Variants in RALYL observed in about 807,000 individuals in gnomAD.
RALYL encodes the protein RNA-binding Raly-like protein.
A neutral mutation model predicts 35.1 loss-of-function variants in RALYL; 29 were observed. The observed-to-expected ratio is 0.83, with a 90% CI of 0.61 to 1.13. The LOEUF (loss-of-function observed/expected upper bound fraction) is 1.13, where lower values mean the gene tolerates loss of function less well. Among genes scored for constraint, RALYL ranks in the 50% most tolerant of loss-of-function variants. The pLI is 0.00. For missense variants in RALYL, 359 were observed against 360.4 expected (o/e 1.00, Z 0.03); for synonymous variants, 120 against 127.6 (o/e 0.94, Z 0.40).
intron 1 of RALYL, among the ~76,000 whole-genome samples, chr8:84,471,537 G>T (rs1466633265): frequency 6.6e-6 from 1 of 152,002 alleles, no homozygotes; most frequent in Non-Finnish European, 1.5e-5. Flanking sequence ...GACAGCCTGG[G>T]TGACAGAGAA....
intron 1 of RALYL, among the ~76,000 whole-genome samples, chr8:84,304,625 C>T (rs58198954): frequency 0.02 from 3,085 of 152,106 alleles, 112 homozygotes; most frequent in African/African-American, 0.07. Context: ...AAAGAAGTGA[C>T]TTCTAATGTT....
At chr8:84,750,531 C>T (rs1376377212) in intron 2 of RALYL, among the ~76,000 whole-genome samples, 2 of 152,098 alleles carry the variant, frequency 1.3e-5, no homozygotes, top group Non-Finnish European at 2.9e-5. Context: ...ATATTTGCCC[C>T]CTTCTGAACT....
chr8:84,425,482 A>G (rs953434632), intron 1 of RALYL, among the ~76,000 whole-genome samples: 36 of 152,248 alleles, frequency 2.4e-4, no homozygotes, highest in Admixed American at 2.0e-3. Flanking sequence ...CCAGTACCTC[A>G]GATGGAAATG....
rs377739856 is a variant in RALYL, at chr8:84,529,565, G to A, written c.244G>A (p.Gly82Ser). ...VAGENARVIA[G>S]QPLDINMAGE... ...TGGAGAAAATGCCAGAGTCATCGCC[G>A]GCCAACCACTTGGTAAGTCATGCTC... Residue 82 changes from glycine (G) to serine (S), a missense_variant, in exon 2 of 9, where the codon GGC becomes AGC. Transcript: ENST00000521268. The A allele has an allele frequency of 1.6e-5, 25 of 1,606,574 alleles. No individual in the cohort carries two copies. Among genetic ancestry groups the A allele is most frequent in the East Asian group, 8.9e-5 (4 of 44,698 alleles).
intron 1 of RALYL, among the ~76,000 whole-genome samples, chr8:84,438,199 G>T (rs933694968): frequency 2.6e-5 from 4 of 152,054 alleles, no homozygotes; most frequent in African/African-American, 9.7e-5. Flanking sequence ...CATTCTGTAG[G>T]TTGTCTGTTT....
intron 1 of RALYL, among the ~76,000 whole-genome samples, chr8:84,494,871 T>A (rs2055816392): frequency 6.6e-6 from 1 of 152,140 alleles, no homozygotes. Flanking sequence ...CCTCTCTCCC[T>A]ATTTGAATAC....
At chr8:84,428,106 T>TCACACA (rs869249552) in intron 1 of RALYL, among the ~76,000 whole-genome samples, 404 of 127,310 alleles carry the variant, frequency 3.2e-3, no homozygotes, top group African/African-American at 6.2e-3. Flanking sequence ...TCTCTCTCTC[T>TCACACA]CACACACACA....
intron 4 of RALYL, among the ~76,000 whole-genome samples, chr8:84,827,506 G>C (rs907925595): frequency 3.9e-5 from 6 of 152,072 alleles, no homozygotes; most frequent in African/African-American, 1.4e-4. Context: ...TAGACTTATT[G>C]TAACATGGAA....
intron 7 of RALYL, 149 bp downstream of exon 7, chr8:84,873,546 A>C (rs1294135738): frequency 6.5e-6 from 3 of 464,096 alleles, no homozygotes; most frequent in Non-Finnish European, 1.2e-5. Flanking sequence ...CAGAGTTGCA[A>C]TAATAAAATG....
At chr8:84,218,068 A>G (rs73295653) in intron 1 of RALYL, among the ~76,000 whole-genome samples, 5,085 of 152,100 alleles carry the variant, frequency 0.033, 284 homozygotes, top group African/African-American at 0.11. Flanking sequence ...AAAAAATATA[A>G]AGTCTTTAGA....
intron 1 of RALYL, among the ~76,000 whole-genome samples, chr8:84,347,153 A>G (rs572471101): frequency 1.3e-5 from 2 of 152,066 alleles, no homozygotes; most frequent in Non-Finnish European, 2.9e-5. Context: ...GTGAGCTGAG[A>G]TCATGCCACT....
At chr8:84,489,198 A>G (rs918580914) in intron 1 of RALYL, among the ~76,000 whole-genome samples, 1 of 151,886 alleles carries the variant, frequency 6.6e-6, no homozygotes, top group Admixed American at 6.6e-5. Flanking sequence ...GCTAGCTACT[A>G]TTGGCTTTTC....
chr8:84,590,673 A>G (rs183781035), intron 2 of RALYL, among the ~76,000 whole-genome samples: 25 of 152,354 alleles, frequency 1.6e-4, no homozygotes, highest in African/African-American at 5.8e-4. Flanking sequence ...AACCAGAGCT[A>G]TCAAATAATG....
At chr8:84,646,951 C>T (rs1310804318) in intron 2 of RALYL, among the ~76,000 whole-genome samples, 1 of 152,024 alleles carries the variant, frequency 6.6e-6, no homozygotes, top group African/African-American at 2.4e-5. Flanking sequence ...GAATCCTACT[C>T]TTTTTTAGTT....
chr8:84,348,806 G>T (rs898941163), intron 1 of RALYL, among the ~76,000 whole-genome samples: 1 of 137,216 alleles, frequency 7.3e-6, no homozygotes, highest in Non-Finnish European at 1.6e-5. Context: ...TGTTCGGGTG[G>T]TGTATGTGTG....
chr8:84,314,078 G>A (rs1261315200), intron 1 of RALYL, among the ~76,000 whole-genome samples: 1 of 152,128 alleles, frequency 6.6e-6, no homozygotes, highest in Non-Finnish European at 1.5e-5. Context: ...AAGGTCAAGG[G>A]GAAGCAAGTA....
chr8:84,415,595 C>A (rs2132263339), intron 1 of RALYL, among the ~76,000 whole-genome samples: 1 of 152,232 alleles, frequency 6.6e-6, no homozygotes, highest in South Asian at 2.1e-4. Context: ...ATCTACCAGC[C>A]CATTCTGCAA....
At chr8:84,756,779 G>T (rs960086814) in intron 2 of RALYL, among the ~76,000 whole-genome samples, 1 of 146,902 alleles carries the variant, frequency 6.8e-6, no homozygotes, top group Middle Eastern at 3.3e-3. Context: ...TGTAAAAGGT[G>T]TTTTTTTTTT....
rs182767099 is a variant in RALYL at position 84,298,248 on chromosome 8, A to C, written c.-24+113824A>C. ...AAAGGATACAATTTCAATCTCTTAC[A>C]CAAGGCTAGCCAGTTATCCCAGCAC... is the stretch of plus-strand genomic sequence containing the variant. On this transcript the variant is annotated intron_variant, in intron 1 of 8. Transcript: ENST00000521268. Among the ~76,000 whole-genome samples the C allele has an allele frequency of 3.5e-4, 53 of 152,190 alleles. 1 individual carries two copies. The highest frequency in any genetic ancestry group is 3.3e-3 in the Admixed American group (51 of 15,272).
Sources: gnomAD v4.1 joint callset for allele counts (sites outside exome capture counted in the v4.1 genomes callset) on GRCh38, gnomAD v4.1.1 for gene constraint, MANE v1.5 for transcripts, NCBI Gene and HGNC (gene_info 2026-07-23, HGNC 2026-07-21) for gene names.